The following CLASP1 variants were observed in gnomAD, a reference collection of about 807,000 sequenced individuals.
CLASP1 encodes the protein CLIP-associating protein 1.
In CLASP1, 38 loss-of-function variants were observed where a neutral mutation model predicts 192.3. The ratio of observed to expected loss-of-function variants is 0.20; its 90% CI spans 0.15 to 0.26. The LOEUF (loss-of-function observed/expected upper bound fraction) is 0.26, where lower values mean the gene tolerates loss of function less well. CLASP1 is among the 10% of genes least tolerant of loss of function. The pLI is 1.00. For missense variants in CLASP1, 1,433 were observed against 1,932.5 expected (o/e 0.74, Z 4.85); for synonymous variants, 691 against 712.8 (o/e 0.97, Z 0.49).
intron 19 of CLASP1, among the ~76,000 whole-genome samples, chr2:121,446,509 A>G (rs907577327): frequency 2.6e-5 from 4 of 152,260 alleles, no homozygotes; most frequent in Non-Finnish European, 5.9e-5. Flanking sequence ...CTCCACCTCA[A>G]TATTTCAGGA....
At chr2:121,596,212 G>C (rs1427921201) in intron 2 of CLASP1, among the ~76,000 whole-genome samples, 1 of 151,974 alleles carries the variant, frequency 6.6e-6, no homozygotes, top group Non-Finnish European at 1.5e-5. Flanking sequence ...TTTTGCTTTT[G>C]CTTAGTGCTG....
intron 1 of CLASP1, among the ~76,000 whole-genome samples, chr2:121,609,505 T>C (rs1267415982): frequency 2.0e-5 from 3 of 152,232 alleles, no homozygotes; most frequent in African/African-American, 4.8e-5. Context: ...ACTGATGTTT[T>C]TGGACTTTTT....
At chr2:121,530,265 T>C in exon 3 of CLASP1, 2 of 1,552,318 alleles carry the variant, frequency 1.3e-6, no homozygotes, top group Non-Finnish European at 1.7e-6. Context: ...ATCTGCGCCT[T>C]GAACCGATCC....
chr2:121,591,916 G>T (rs1160464378), intron 2 of CLASP1, among the ~76,000 whole-genome samples: 1 of 152,190 alleles, frequency 6.6e-6, no homozygotes, highest in Non-Finnish European at 1.5e-5. Context: ...TGCAGCTGTA[G>T]ATCAAATAAT....
In CLASP1 at chr2:121,649,428, C is replaced by T. The variant is rs1354655088; in HGVS notation, c.-342G>A. ...GACCAGAGAGCCGCCGCCTTCTCCT[C>T]CACCCCAATGAGGTTAAGCGCTTGG... On this transcript the variant is annotated 5_prime_UTR_variant, in exon 1 of 40. Transcript: ENST00000263710. 4 of 152,074 alleles carry T rather than the reference C, an allele frequency of 2.6e-5. No individual in the cohort carries two copies. In the South Asian group the frequency reaches 8.4e-4, roughly 32 times the overall value. 9.4% of individuals were successfully genotyped at this position (152,074 alleles called of 1,614,324 possible).
intron 15 of CLASP1, 65 bp from the exon 16 acceptor site, chr2:121,451,055 G>A: frequency 9.0e-7 from 1 of 1,109,846 alleles, no homozygotes; most frequent in Non-Finnish European, 1.4e-6. Flanking sequence ...GTGAAACCAG[G>A]TGGGAGAAAT....
chr2:121,436,712 T>A (rs1007943346), intron 19 of CLASP1, among the ~76,000 whole-genome samples: 2 of 152,118 alleles, frequency 1.3e-5, no homozygotes, highest in African/African-American at 4.8e-5. Context: ...TGCCCGGCTT[T>A]AGTGTCTTTC....
chr2:121,531,243 T>C (rs1559539167), intron 2 of CLASP1, among the ~76,000 whole-genome samples: 1 of 152,108 alleles, frequency 6.6e-6, no homozygotes. Flanking sequence ...GTCAGCCCAG[T>C]AGTCTAGGTC....
intron 2 of CLASP1, among the ~76,000 whole-genome samples, chr2:121,576,816 A>G (rs2060567107): frequency 6.6e-6 from 1 of 152,244 alleles, no homozygotes; most frequent in African/African-American, 2.4e-5. Flanking sequence ...AATGCATTTC[A>G]GAATAATCAA....
At chr2:121,385,125 ATTTCT>A (rs2072912955) in intron 32 of CLASP1, among the ~76,000 whole-genome samples, 1 of 152,164 alleles carries the variant, frequency 6.6e-6, no homozygotes, top group Non-Finnish European at 1.5e-5. Context: ...GCAATAATTC[ATTTCT>A]TTTATCATTT....
chr2:121,404,905 T>C (rs1272927036), intron 25 of CLASP1, among the ~76,000 whole-genome samples: 1 of 152,200 alleles, frequency 6.6e-6, no homozygotes, highest in East Asian at 1.9e-4. Flanking sequence ...TTAAAAAGCA[T>C]GTCTATCCTG....
At chr2:121,615,930 C>G (rs1233064621) in intron 1 of CLASP1, among the ~76,000 whole-genome samples, 1 of 152,198 alleles carries the variant, frequency 6.6e-6, no homozygotes, top group African/African-American at 2.4e-5. Flanking sequence ...GTTCTTTTCA[C>G]TATACTACAG....
At chr2:121,414,197 C>T (rs963002614) in intron 23 of CLASP1, among the ~76,000 whole-genome samples, 1 of 152,046 alleles carries the variant, frequency 6.6e-6, no homozygotes, top group African/African-American at 2.4e-5. Flanking sequence ...GGAATGACGT[C>T]GAGAGGCTGC....
At chr2:121,492,238 A>T (rs1242782366) in intron 8 of CLASP1, among the ~76,000 whole-genome samples, 5 of 151,866 alleles carry the variant, frequency 3.3e-5, no homozygotes, top group East Asian at 1.9e-4. Flanking sequence ...AAATACAAAA[A>T]ATTAGCCGGG....
At chr2:121,574,634 C>CAAAAAA (rs1173756631) in intron 2 of CLASP1, among the ~76,000 whole-genome samples, 9 of 78,998 alleles carry the variant, frequency 1.1e-4, no homozygotes, top group East Asian at 3.3e-4. Flanking sequence ...GACTCCATAT[C>CAAAAAA]AAAAAAAAAA....
Position 121,474,971 on chromosome 2 carries a change from T to C in CLASP1, c.713-5011A>G, listed in dbSNP as rs573954374. ...GTGAGCTGAAGGCCTAATAGCCTAA[T>C]AGAAACTACGAAAAGCAAACACATG... is the stretch of plus-strand genomic sequence containing the variant. On this transcript the variant is annotated intron_variant, in intron 8 of 39. Coordinates refer to ENST00000263710, the Ensembl canonical transcript of CLASP1. Among the ~76,000 whole-genome samples the C allele has an allele frequency of 3.3e-5, 5 of 152,288 alleles. No individual in the cohort carries two copies. In the South Asian group the frequency reaches 8.3e-4, roughly 25 times the overall value.
rs1453584292 is a variant in CLASP1, at chr2:121,540,768, CAG to C, written c.196-10445_196-10444del. ...CGCCACTGCACTCCAGCCTGTGCAACAGAGTGAGACTCCATCCAAAAAAAAAA... is the reference window on the plus strand; with the variant it reads ...CGCCACTGCACTCCAGCCTGTGCAACAGTGAGACTCCATCCAAAAAAAAAA... On this transcript the variant is annotated intron_variant, in intron 2 of 39. Transcript: ENST00000263710. Among the ~76,000 whole-genome samples the C allele has an allele frequency of 2.1e-5, 3 of 145,432 alleles. No individual in the cohort carries two copies. The East Asian group carries it at 5.9e-4, about 29-fold the overall frequency.
chr2:121,628,787 C>A (rs2068883148), intron 1 of CLASP1, among the ~76,000 whole-genome samples: 1 of 150,570 alleles, frequency 6.6e-6, no homozygotes, highest in African/African-American at 2.4e-5. Flanking sequence ...TCTCTTCACC[C>A]AACCAGTTCA....
At chr2:121,599,355 C>T (rs1268775135) in intron 2 of CLASP1, among the ~76,000 whole-genome samples, 1 of 149,536 alleles carries the variant, frequency 6.7e-6, no homozygotes, top group Non-Finnish European at 1.5e-5. Context: ...TTTGAGAGGC[C>T]GAGGCTGGTG....
Sources: gnomAD v4.1 joint callset for allele counts (sites outside exome capture counted in the v4.1 genomes callset) on GRCh38, gnomAD v4.1.1 for gene constraint, MANE v1.5 for transcripts, NCBI Gene and HGNC (gene_info 2026-07-23, HGNC 2026-07-21) for gene names.